The following DNAH7 variants were observed in gnomAD, a reference collection of about 807,000 sequenced individuals.
DNAH7 encodes axonemal beta dynein heavy chain 7.
In DNAH7, 397 loss-of-function variants were observed where a neutral mutation model predicts 444.6. That is an observed-to-expected ratio of 0.89 (90% confidence interval 0.82 to 0.97). The LOEUF (loss-of-function observed/expected upper bound fraction) is 0.97. Ranked by LOEUF, DNAH7 falls within the 50% of genes least tolerant of loss-of-function variation. The pLI is 0.00. For missense variants in DNAH7, 4,902 were observed against 4,800.8 expected, an observed-to-expected ratio of 1.02 and a Z score of -0.62; for synonymous variants, 1,636 against 1,624.4, an observed-to-expected ratio of 1.01 and a Z score of -0.17.
At chr2:196,054,680 A>T (rs1209423310) in intron 2 of DNAH7, among the ~76,000 whole-genome samples, 7 of 152,118 alleles carry the variant, frequency 4.6e-5, no homozygotes, top group African/African-American at 1.7e-4. Flanking sequence ...ATCTTGAATT[A>T]TAGTTCCCAT....
chr2:196,031,507 T>C (rs1176285298), intron 5 of DNAH7, among the ~76,000 whole-genome samples: 1 of 152,232 alleles, frequency 6.6e-6, no homozygotes, highest in African/African-American at 2.4e-5. Context: ...TTTTTTTTCC[T>C]ATCGTATCGT....
chr2:195,936,635 A>G lies in DNAH7; in HGVS notation c.3236T>C (p.Leu1079Pro), dbSNP rs1365465389. The change falls in exon 20 of 65, where the codon CTT (leucine) becomes CCT (proline). Residue 1079 changes from leucine (L) to proline (P), a missense_variant. Coordinates refer to ENST00000312428, the MANE Select transcript of DNAH7 (RefSeq NM_018897.3). ...TTTAGTCTCAGATAGTATCTCAAGA[A>G]GTTCATCATTGGACAAAAAAAAGAA... ...PRFFFLSNDE[L>P]LEILSETKDP... The G allele has an allele frequency of 1.2e-6, 2 of 1,604,388 alleles. No homozygotes were observed. Among genetic ancestry groups the G allele is most frequent in the Non-Finnish European group, 1.7e-6 (2 of 1,177,336 alleles).
At chr2:195,995,372 G>T in intron 12 of DNAH7, 1 of 517,356 alleles carries the variant, frequency 1.9e-6, no homozygotes, top group South Asian at 1.4e-5. Flanking sequence ...TGAACTTCTT[G>T]GTGAGCACAC....
intron 8 of DNAH7, among the ~76,000 whole-genome samples, chr2:196,024,020 C>T (rs1695533721): frequency 6.6e-6 from 1 of 152,036 alleles, no homozygotes; most frequent in South Asian, 2.1e-4. Context: ...TGTGGCTTTC[C>T]AAGATAATTA....
intron 12 of DNAH7, chr2:195,994,705 AT>A: frequency 2.0e-6 from 1 of 502,752 alleles, no homozygotes. Context: ...ACTTATAACC[AT>A]TTGGTCTTTA....
At chr2:196,022,684 G>T (rs781148059) in intron 8 of DNAH7, among the ~76,000 whole-genome samples, 1 of 152,140 alleles carries the variant, frequency 6.6e-6, no homozygotes, top group Non-Finnish European at 1.5e-5. Flanking sequence ...CTGAAGTCTT[G>T]AGCCACTCAA....
At chr2:195,848,206 G>A (rs1044504164) in intron 46 of DNAH7, among the ~76,000 whole-genome samples, 9 of 152,138 alleles carry the variant, frequency 5.9e-5, no homozygotes, top group African/African-American at 1.9e-4. Context: ...CATTCCTTGA[G>A]GTTTGCACAA....
At chr2:195,840,777 T>C (rs925485320) in intron 47 of DNAH7, among the ~76,000 whole-genome samples, 4 of 151,704 alleles carry the variant, frequency 2.6e-5, no homozygotes, top group Admixed American at 2.6e-4. Flanking sequence ...CACAAAACAC[T>C]GATGAAAGAA....
At chr2:195,994,700 TA>T in intron 12 of DNAH7, 1 of 507,616 alleles carries the variant, frequency 2.0e-6, no homozygotes. Context: ...TCACAACTTA[TA>T]ACCATTTGGT....
chr2:195,906,949 C>T lies in DNAH7; in HGVS notation c.4165G>A (p.Val1389Ile). Residue 1389 changes from valine to isoleucine, a missense_variant, in exon 26 of 65, where the codon GTA becomes ATA. By Grantham distance (29) the Val-to-Ile change is conservative. Coordinates refer to ENST00000312428, the MANE Select transcript of DNAH7 (RefSeq NM_018897.3). ...FDEFNRIDLEVLSVVAQQILT... is the reference protein window; with the variant it reads ...FDEFNRIDLEILSVVAQQILT... The stretch of plus-strand genomic sequence containing the variant: ...ATTTGTTGAGCAACCACAGAGAGTA[C>T]TTCCAAATCAATTCTGTTAAACTCA... The T allele has an allele frequency of 6.2e-7, 1 of 1,613,290 alleles. No homozygotes were observed. The highest frequency in any genetic ancestry group is 8.5e-7 in the Non-Finnish European group (1 of 1,179,554).
At chr2:195,792,823 G>A (rs988277952) in intron 57 of DNAH7, among the ~76,000 whole-genome samples, 2 of 151,090 alleles carry the variant, frequency 1.3e-5, no homozygotes, top group Non-Finnish European at 3.0e-5. Flanking sequence ...GGGGAAGGGG[G>A]AGAGAGAGAG....
At chr2:195,930,641 G>C (rs2125389184) in intron 21 of DNAH7, among the ~76,000 whole-genome samples, 1 of 152,254 alleles carries the variant, frequency 6.6e-6, no homozygotes, top group South Asian at 2.1e-4. Context: ...ACTTAAAACA[G>C]AACTACCGTT....
rs571086046 is a variant in DNAH7, at chr2:195,840,719, T to C, written c.8945+4283A>G. On this transcript the variant is annotated intron_variant, in intron 47 of 64. Transcript: ENST00000312428. The stretch of plus-strand genomic sequence containing the variant: ...TCCTAATGAATAGTTGAACACAATC[T>C]TTTAAGTACCACACAGAAATAAAAG... Among the ~76,000 whole-genome samples, 6 of 151,932 alleles carry C rather than the reference T, an allele frequency of 3.9e-5. No homozygotes were observed. The South Asian group carries it at 1.0e-3, about 26-fold the overall frequency.
In DNAH7 at chr2:195,969,992, T is replaced by G. The variant is rs950551462; in HGVS notation, c.2161A>C (p.Lys721Gln). The change falls in exon 17 of 65, where the codon AAG (lysine) becomes CAG (glutamine). Residue 721 changes from lysine to glutamine, a missense_variant. Transcript: ENST00000312428. ...AACTTTCCATTCAGTATTTGAGCCT[T>G]TTTTAGGTACCGCTGAACATCCTGA... ...DLQDVQRYLK[K>Q]AQILNGKLDL... 3 of 1,612,074 alleles carry G rather than the reference T, an allele frequency of 1.9e-6. No homozygotes were observed. The African/African-American group carries it at 4.0e-5, about 22-fold the overall frequency.
At chr2:195,894,926 C>T (rs1308139880) in intron 30 of DNAH7, 50 bp downstream of exon 30, 2 of 1,501,866 alleles carry the variant, frequency 1.3e-6, no homozygotes, top group South Asian at 1.4e-5. Context: ...TACATTCTAC[C>T]TTGCACAAAG....
chr2:195,865,945 A>G (rs1700312785), intron 40 of DNAH7, among the ~76,000 whole-genome samples: 1 of 152,212 alleles, frequency 6.6e-6, no homozygotes, highest in Non-Finnish European at 1.5e-5. Flanking sequence ...ATGTGAGGAC[A>G]CAGAGACAAG....
rs577388253 is a variant in DNAH7, at chr2:196,009,333, A to T, written c.989+3454T>A. Among the ~76,000 whole-genome samples the T allele has an allele frequency of 4.6e-5, 7 of 152,220 alleles. No homozygotes were observed. The East Asian group carries it at 1.3e-3, about 29-fold the overall frequency. Reference sequence around the variant, plus strand: ...CTGAATTGTACACATTAAAGTAGTGAATTTTATGGTAAATGAATTATTTCT... The same window carrying T: ...CTGAATTGTACACATTAAAGTAGTGTATTTTATGGTAAATGAATTATTTCT... On this transcript the variant is annotated intron_variant, in intron 10 of 64. Transcript: ENST00000312428.
rs566057713 is a variant in DNAH7 at position 196,028,670 on chromosome 2, G to A, written c.399-623C>T. ...GTTCTGGGGCTGCACTGGGCAGAAA[G>A]GCATAGTTCACATTTTCAGAAAAAT... On this transcript the variant is annotated intron_variant, in intron 5 of 64. Coordinates refer to ENST00000312428, the MANE Select transcript of DNAH7 (RefSeq NM_018897.3). Among the ~76,000 whole-genome samples the A allele has an allele frequency of 5.5e-3, 832 of 152,260 alleles. 10 individuals are homozygous for A. The highest frequency in any genetic ancestry group is 0.019 in the African/African-American group (769 of 41,554).
At chr2:196,068,478 T>C (rs1229198660) in intron 1 of DNAH7, 8 of 614,510 alleles carry the variant, frequency 1.3e-5, no homozygotes, top group Non-Finnish European at 2.2e-5. Context: ...CGGCTAGGTT[T>C]GGTTGTTATG....
Sources: allele counts gnomAD v4.1 joint callset (sites outside exome capture counted in the v4.1 genomes callset), GRCh38; gene constraint gnomAD v4.1.1; transcripts MANE v1.5; gene names NCBI Gene and HGNC (gene_info 2026-07-23, HGNC 2026-07-21).